The following SLC12A1 variants were observed in gnomAD, a reference collection of about 807,000 sequenced individuals.
SLC12A1 encodes Na-K-2Cl cotransporter.
Under a neutral mutation model 130.4 loss-of-function variants are expected in SLC12A1, and 89 were observed. That is an observed-to-expected ratio of 0.68 (90% CI 0.58 to 0.81). The LOEUF (loss-of-function observed/expected upper bound fraction) is 0.81, where lower values mean the gene tolerates loss of function less well. Ranked by LOEUF, SLC12A1 falls within the 40% of genes least tolerant of loss-of-function variation. The pLI, the probability that SLC12A1 is intolerant of heterozygous loss-of-function variation, is 0.00. For synonymous variants in SLC12A1, 499 were observed against 460.0 expected (o/e 1.08, Z -1.09); for missense variants, 1,310 against 1,336.4 (o/e 0.98, Z 0.31).
intron 15 of SLC12A1, among the ~76,000 whole-genome samples, chr15:48,253,418 A>C (rs1440522462): frequency 6.6e-6 from 1 of 152,212 alleles, no homozygotes; most frequent in Admixed American, 6.5e-5. Flanking sequence ...TTTCCAAAAT[A>C]CCACATAAAT....
chr15:48,285,313 A>G, intron 21 of SLC12A1, 64 bp downstream of exon 21: 1 of 1,517,890 alleles, frequency 6.6e-7, no homozygotes, highest in Non-Finnish European at 9.1e-7. Flanking sequence ...GCATCTATGA[A>G]GAGTCCGAAG....
chr15:48,208,655 A>T (rs1227190892), intron 2 of SLC12A1, among the ~76,000 whole-genome samples: 4 of 152,044 alleles, frequency 2.6e-5, no homozygotes, highest in Non-Finnish European at 5.9e-5. Context: ...TAAAGAATTA[A>T]CTCTAAATGT....
In SLC12A1 at chr15:48,235,007, A is replaced by G. The variant is rs1396316823; in HGVS notation, c.1215+3A>G. The G allele has an allele frequency of 1.2e-6, 2 of 1,613,722 alleles. No individual in the cohort carries two copies. Among genetic ancestry groups the G allele is most frequent in the Non-Finnish European group, 8.5e-7 (1 of 1,179,822 alleles). The stretch of plus-strand genomic sequence containing the variant: ...CCAATATCTCAGGAGATTTGGAGGT[A>G]CGTTGTTTGCTCTGCTTTGCAGTCC... On this transcript the variant is annotated splice_donor_region_variant and intron_variant, in intron 9 of 26. Transcript: ENST00000380993.
At chr15:48,259,422 T>C in intron 17 of SLC12A1, 111 bp downstream of exon 17, 2 of 779,852 alleles carry the variant, frequency 2.6e-6, no homozygotes, top group Non-Finnish European at 2.3e-6. Context: ...AAAAAAACAG[T>C]TTATAGGAGA....
chr15:48,227,204 G>A, intron 5 of SLC12A1: 11 of 1,368,316 alleles, frequency 8.0e-6, no homozygotes, highest in East Asian at 2.5e-5. Context: ...TATGACTAGA[G>A]GCTTGGTTAC....
chr15:48,301,827 C>T (rs2042236910), intron 26 of SLC12A1, among the ~76,000 whole-genome samples: 1 of 152,152 alleles, frequency 6.6e-6, no homozygotes, highest in African/African-American at 2.4e-5. Flanking sequence ...AAAGGCAGAG[C>T]CATTTCCATT....
At chr15:48,288,281 T>C (rs2042081012) in intron 22 of SLC12A1, 107 bp downstream of exon 22, 2 of 1,227,276 alleles carry the variant, frequency 1.6e-6, no homozygotes, top group East Asian at 5.1e-5. Flanking sequence ...ATAACATTTC[T>C]GTGTTCTCCA....
chr15:48,282,844 GTAA>G (rs2042021999), intron 20 of SLC12A1, among the ~76,000 whole-genome samples: 1 of 152,144 alleles, frequency 6.6e-6, no homozygotes, highest in Non-Finnish European at 1.5e-5. Flanking sequence ...CTCTGAAATA[GTAA>G]TAATAATAAG....
intron 24 of SLC12A1, among the ~76,000 whole-genome samples, chr15:48,296,990 T>C (rs1377168064): frequency 6.6e-6 from 1 of 152,162 alleles, no homozygotes; most frequent in Non-Finnish European, 1.5e-5. Flanking sequence ...AAAAGAAAAC[T>C]TAACTCACAG....
At chr15:48,228,890 T>C (rs1597408394) in intron 5 of SLC12A1, 1 of 230,804 alleles carries the variant, frequency 4.3e-6, no homozygotes, top group Non-Finnish European at 8.4e-6. Flanking sequence ...CAATGATATT[T>C]TTATAAAGAC....
chr15:48,223,049 G>C (rs2041235518), intron 4 of SLC12A1: 1 of 152,232 alleles, frequency 6.6e-6, no homozygotes, highest in Non-Finnish European at 1.5e-5. Flanking sequence ...AAGGAAGTTA[G>C]GTGTGAAAGC....
chr15:48,271,869 T>G (rs2041902290), intron 19 of SLC12A1, among the ~76,000 whole-genome samples: 1 of 152,240 alleles, frequency 6.6e-6, no homozygotes, highest in Admixed American at 6.5e-5. Flanking sequence ...TGACCAGATC[T>G]GTCCTCTGTT....
Position 48,281,773 on chromosome 15 carries a change from G to T in SLC12A1, c.2486-3333G>T, listed in dbSNP as rs76190771. Among the ~76,000 whole-genome samples the T allele has an allele frequency of 1.8e-3, 279 of 152,320 alleles. 2 individuals carry two copies. In the East Asian group the frequency reaches 0.022, roughly 12 times the overall value. ...AATTAAAAATGTAGTCGTGATGGTGGTGATGATAGAAAAAGTAATTTTTAT... is the reference window on the plus strand; with the variant it reads ...AATTAAAAATGTAGTCGTGATGGTGTTGATGATAGAAAAAGTAATTTTTAT... On this transcript the variant is annotated intron_variant, in intron 20 of 26. Transcript: ENST00000380993.
At chr15:48,262,396 A>G (rs1171188531) in intron 17 of SLC12A1, among the ~76,000 whole-genome samples, 1 of 152,002 alleles carries the variant, frequency 6.6e-6, no homozygotes, top group East Asian at 1.9e-4. Flanking sequence ...ATTTCCTGCA[A>G]CTGCAGCATG....
intron 9 of SLC12A1, 59 bp from the exon 10 acceptor site, chr15:48,241,456 G>C: frequency 7.7e-7 from 1 of 1,299,344 alleles, no homozygotes; most frequent in South Asian, 1.2e-5. Context: ...ATAACTCCAA[G>C]TGATCTATGG....
chr15:48,210,829 C>T (rs1254045313), intron 2 of SLC12A1, among the ~76,000 whole-genome samples: 1 of 151,626 alleles, frequency 6.6e-6, no homozygotes, highest in African/African-American at 2.4e-5. Context: ...TGCCACTGCA[C>T]TCCAGTCTGG....
Position 48,255,886 on chromosome 15 carries a change from T to G in SLC12A1, c.2018T>G (p.Val673Gly). The change falls in exon 16 of 27, where the codon GTG becomes GGG. Residue 673 changes from valine to glycine, a missense_variant. Val to Gly is a moderately radical substitution (Grantham distance 109, BLOSUM62 -3). Coordinates refer to ENST00000380993, the MANE Select transcript of SLC12A1 (RefSeq NM_000338.3). The stretch of plus-strand genomic sequence containing the variant: ...GACAATGCTCTGGAATTAACCACAG[T>G]GGAAGACCACGTAAAAAACTTCAGG... ...ALDNALELTT[V>G]EDHVKNFRPQ... 1 of 1,600,528 alleles carries G rather than the reference T, an allele frequency of 6.2e-7. No individual in the cohort carries two copies. The highest frequency in any genetic ancestry group is 1.3e-5 in the African/African-American group (1 of 74,846).
intron 20 of SLC12A1, among the ~76,000 whole-genome samples, chr15:48,275,841 G>A (rs1463763888): frequency 6.6e-6 from 1 of 152,198 alleles, no homozygotes; most frequent in Non-Finnish European, 1.5e-5. Context: ...CATTCTGTAG[G>A]TAATGAGGAA....
chr15:48,283,019 A>G (rs2042023503), intron 20 of SLC12A1, among the ~76,000 whole-genome samples: 1 of 152,184 alleles, frequency 6.6e-6, no homozygotes, highest in Admixed American at 6.5e-5. Flanking sequence ...GTTGTTTAGA[A>G]AGGAATAAAA....
Sources: gnomAD v4.1 joint callset for allele counts (sites outside exome capture counted in the v4.1 genomes callset) on GRCh38, gnomAD v4.1.1 for gene constraint, MANE v1.5 for transcripts, NCBI Gene and HGNC (gene_info 2026-07-23, HGNC 2026-07-21) for gene names.